PDZD2: variants seen among roughly 807,000 people sequenced by gnomAD.
PDZD2 encodes PDZ domain containing 2.
PDZD2 carries 90 observed loss-of-function variants against 220.7 expected under a neutral mutation model. That is an observed-to-expected ratio of 0.41 (90% CI 0.34 to 0.49). PDZD2 has a LOEUF of 0.49. Among genes scored for constraint, PDZD2 ranks in the 20% least tolerant of loss-of-function variants. PDZD2 has a pLI of 0.28. For missense variants in PDZD2, 3,174 were observed against 3,608.5 expected, an observed-to-expected ratio of 0.88 and a Z score of 3.08; for synonymous variants, 1,375 against 1,450.5, an observed-to-expected ratio of 0.95 and a Z score of 1.18.
chr5:31,943,280 C>CA (rs1482197518), intron 2 of PDZD2, among the ~76,000 whole-genome samples: 2 of 151,816 alleles, frequency 1.3e-5, no homozygotes, highest in Admixed American at 6.6e-5. Context: ...CCACAGTTGA[C>CA]ACGGCTGTGG....
chr5:31,719,143 G>A (rs1414689502), intron 1 of PDZD2, among the ~76,000 whole-genome samples: 1 of 152,188 alleles, frequency 6.6e-6, no homozygotes, highest in African/African-American at 2.4e-5. Context: ...GTAGCACGGT[G>A]TTAGGAAGGC....
At chr5:31,752,746 CT>C (rs953707905) in intron 1 of PDZD2, among the ~76,000 whole-genome samples, 6 of 152,138 alleles carry the variant, frequency 3.9e-5, no homozygotes, top group African/African-American at 9.7e-5. Context: ...TTCTTATTTA[CT>C]TGTCAAGATA....
chr5:31,791,101 C>T (rs1397863275), intron 1 of PDZD2, among the ~76,000 whole-genome samples: 1 of 152,138 alleles, frequency 6.6e-6, no homozygotes. Flanking sequence ...CTTACAAACT[C>T]CGGCTAGTAG....
chr5:31,923,309 G>T, intron 2 of PDZD2: 1 of 687,968 alleles, frequency 1.5e-6, no homozygotes, highest in East Asian at 2.6e-5. Context: ...TCTCCCTTTC[G>T]GATTCCCGAT....
intron 1 of PDZD2, among the ~76,000 whole-genome samples, chr5:31,698,437 A>C (rs1747467779): frequency 8.8e-6 from 1 of 113,924 alleles, no homozygotes; most frequent in African/African-American, 3.9e-5. Context: ...CTACTAAAAA[A>C]TACAAAAAAA....
At position 32,097,343 on chromosome 5, in the gene PDZD2, T is replaced by G; in HGVS notation, c.7910T>G (p.Val2637Gly). The change falls in exon 22 of 25, where the codon GTG becomes GGG. Residue 2637 changes from valine to glycine, a missense_variant. Coordinates refer to ENST00000438447, the MANE Select transcript of PDZD2 (RefSeq NM_178140.4). ...GAAGGCTCAGGTCTGGGATTCAGTG[T>G]GGCAGGAGGGACAGATGTGGAGCCA... ...RKEGSGLGFSVAGGTDVEPKS... is the reference protein window; with the variant it reads ...RKEGSGLGFSGAGGTDVEPKS... The G allele has an allele frequency of 1.9e-6, 3 of 1,613,070 alleles. No homozygotes were observed. The highest frequency in any genetic ancestry group is 2.5e-6 in the Non-Finnish European group (3 of 1,179,004).
At chr5:31,965,433 CG>C (rs1004123243) in intron 2 of PDZD2, among the ~76,000 whole-genome samples, 1 of 152,124 alleles carries the variant, frequency 6.6e-6, no homozygotes, top group Non-Finnish European at 1.5e-5. Flanking sequence ...GTTCTACACA[CG>C]GGGGGATATG....
At chr5:31,920,943 G>A (rs1298200813) in intron 2 of PDZD2, among the ~76,000 whole-genome samples, 1 of 152,096 alleles carries the variant, frequency 6.6e-6, no homozygotes, top group East Asian at 1.9e-4. Flanking sequence ...TCGTTCCTTA[G>A]TAGCTCATTT....
chr5:31,964,444 C>A (rs958012051), intron 2 of PDZD2, among the ~76,000 whole-genome samples: 3 of 152,160 alleles, frequency 2.0e-5, no homozygotes, highest in African/African-American at 7.2e-5. Flanking sequence ...TTGGATAAAG[C>A]TTTTTAGGTA....
chr5:32,005,404 G>A (rs16901735), intron 5 of PDZD2, among the ~76,000 whole-genome samples: 3,234 of 152,084 alleles, frequency 0.021, 55 homozygotes, highest in Middle Eastern at 0.034. Context: ...ATACAAGTTA[G>A]TTTTGATATG....
chr5:32,037,773 G>A (rs1755671994), intron 7 of PDZD2, among the ~76,000 whole-genome samples: 1 of 152,148 alleles, frequency 6.6e-6, no homozygotes, highest in Non-Finnish European at 1.5e-5. Flanking sequence ...CCCAGAGAGA[G>A]AAAGTCAGCA....
intron 5 of PDZD2, among the ~76,000 whole-genome samples, chr5:32,003,688 AGTTT>A (rs1028339588): frequency 7.2e-5 from 11 of 151,902 alleles, no homozygotes; most frequent in Admixed American, 5.9e-4. Context: ...TTCTCTTGTT[AGTTT>A]TTTTGTTTTT....
At chr5:31,874,230 A>G (rs1739095619) in intron 2 of PDZD2, among the ~76,000 whole-genome samples, 1 of 152,214 alleles carries the variant, frequency 6.6e-6, no homozygotes, top group Non-Finnish European at 1.5e-5. Flanking sequence ...CTGCTAAAAA[A>G]TACCTTCACA....
intron 2 of PDZD2, among the ~76,000 whole-genome samples, chr5:31,814,515 A>G (rs1248146198): frequency 6.6e-6 from 1 of 152,158 alleles, no homozygotes. Context: ...TGGTTGAAAG[A>G]GTTATTATCT....
intron 8 of PDZD2, among the ~76,000 whole-genome samples, chr5:32,050,349 A>G (rs1000753130): frequency 1.2e-4 from 19 of 152,214 alleles, no homozygotes; most frequent in African/African-American, 4.6e-4. Flanking sequence ...TAGCCCAGAA[A>G]CATCCATTTT....
chr5:31,691,535 ACCTGCTTTTATTCTCTTATCTGGCG>A (rs1249413679), intron 1 of PDZD2, among the ~76,000 whole-genome samples: 16 of 144,980 alleles, frequency 1.1e-4, no homozygotes, highest in Admixed American at 8.9e-4. Context: ...ATCTGGCGCC[ACCTGCTTTTATTCTCTTATCTGGCG>A]CCACCTGCTT....
intron 1 of PDZD2, among the ~76,000 whole-genome samples, chr5:31,697,763 A>C (rs1197551579): frequency 6.6e-6 from 1 of 152,126 alleles, no homozygotes; most frequent in Non-Finnish European, 1.5e-5. Context: ...TCAGTAATAC[A>C]ACCTCCCTTC....
intron 6 of PDZD2, among the ~76,000 whole-genome samples, chr5:32,034,909 T>A (rs569494443): frequency 6.4e-4 from 98 of 152,324 alleles, no homozygotes; most frequent in Non-Finnish European, 1.2e-3. Context: ...AGGGAATCTC[T>A]AAAATCACCC....
intron 1 of PDZD2, among the ~76,000 whole-genome samples, chr5:31,690,755 T>G (rs947414957): frequency 1.3e-5 from 2 of 152,332 alleles, no homozygotes; most frequent in South Asian, 2.1e-4. Flanking sequence ...GCACCTCCTT[T>G]CAAGATTCTG....
Sources: allele counts gnomAD v4.1 joint callset (sites outside exome capture counted in the v4.1 genomes callset), GRCh38; gene constraint gnomAD v4.1.1; transcripts MANE v1.5; gene names NCBI Gene and HGNC (gene_info 2026-07-23, HGNC 2026-07-21).